Variants in CCSER1 observed in about 807,000 individuals in gnomAD.
CCSER1 encodes coiled-coil serine rich protein 1, also known as serine-rich coiled-coil domain-containing protein 1.
Under a neutral mutation model 82.0 loss-of-function variants are expected in CCSER1, and 41 were observed. That is an observed-to-expected ratio of 0.50 (90% CI 0.39 to 0.65). CCSER1 has a LOEUF of 0.65. Among genes scored for constraint, CCSER1 ranks in the 30% least tolerant of loss-of-function variants. CCSER1 has a pLI of 0.00. For missense variants in CCSER1, 1,119 were observed against 1,064.2 expected, an observed-to-expected ratio of 1.05 and a Z score of -0.72; for synonymous variants, 414 against 383.9, an observed-to-expected ratio of 1.08 and a Z score of -0.92.
intron 10 of CCSER1, among the ~76,000 whole-genome samples, chr4:91,190,868 A>C (rs1734935771): frequency 6.6e-6 from 1 of 152,158 alleles, no homozygotes; most frequent in Non-Finnish European, 1.5e-5. Flanking sequence ...GAATTAGGTA[A>C]AACTTGGTTT....
chr4:90,243,344 G>T (rs762232517), intron 1 of CCSER1, among the ~76,000 whole-genome samples: 1 of 151,900 alleles, frequency 6.6e-6, no homozygotes, highest in Non-Finnish European at 1.5e-5. Context: ...CGTCTCCCGG[G>T]TTCAAGCAAT....
At chr4:91,121,833 A>G (rs1209752651) in intron 10 of CCSER1, among the ~76,000 whole-genome samples, 1 of 151,656 alleles carries the variant, frequency 6.6e-6, no homozygotes, top group Non-Finnish European at 1.5e-5. Context: ...CACCTAAAAT[A>G]ATTTCTACTT....
At chr4:90,751,152 A>C (rs1033513241) in intron 7 of CCSER1, among the ~76,000 whole-genome samples, 6 of 152,142 alleles carry the variant, frequency 3.9e-5, no homozygotes, top group Non-Finnish European at 2.9e-5. Context: ...TATAAACTAC[A>C]CATATAAAAA....
intron 10 of CCSER1, among the ~76,000 whole-genome samples, chr4:91,458,643 A>G (rs1756332318): frequency 6.6e-6 from 1 of 152,204 alleles, no homozygotes; most frequent in Non-Finnish European, 1.5e-5. Context: ...TTAGCCCATG[A>G]ACATGGAATA....
intron 7 of CCSER1, among the ~76,000 whole-genome samples, chr4:90,803,205 A>T (rs1332222807): frequency 6.8e-6 from 1 of 147,452 alleles, no homozygotes; most frequent in African/African-American, 2.5e-5. Flanking sequence ...TGCATTTTTT[A>T]ATGTTTTTGT....
intron 3 of CCSER1, chr4:90,325,628 A>G (rs1384654671): frequency 2.2e-6 from 1 of 449,386 alleles, no homozygotes; most frequent in Non-Finnish European, 4.5e-6. Flanking sequence ...ATCTGAATAG[A>G]TGCTTCACAA....
chr4:90,228,496 GT>G (rs1321753468), intron 1 of CCSER1, among the ~76,000 whole-genome samples: 5 of 152,120 alleles, frequency 3.3e-5, no homozygotes, highest in African/African-American at 1.2e-4. Context: ...AAGACCAAAA[GT>G]AGATAAAACC....
At position 91,356,815 on chromosome 4, in the gene CCSER1, G is replaced by T. The variant is rs540741861; in HGVS notation, c.2218-241757G>T. Reference sequence around the variant, plus strand: ...AGTGTTGGGAGACGGAAGCTGGATGGCCCTCGGGGATGACCTGCAGGGACT... The same window carrying T: ...AGTGTTGGGAGACGGAAGCTGGATGTCCCTCGGGGATGACCTGCAGGGACT... On this transcript the variant is annotated intron_variant, in intron 10 of 10. Coordinates refer to ENST00000509176, the MANE Select transcript of CCSER1 (RefSeq NM_001145065.2). Among the ~76,000 whole-genome samples the T allele has an allele frequency of 1.4e-4, 22 of 152,248 alleles. 1 individual carries two copies. In the South Asian group the frequency reaches 4.6e-3, roughly 32 times the overall value.
rs540434348 is a variant in CCSER1, at chr4:90,447,905, T to A, written c.1604-20329T>A. Among the ~76,000 whole-genome samples, 5 of 152,320 alleles carry A rather than the reference T, an allele frequency of 3.3e-5. No homozygotes were observed. The South Asian group carries it at 8.3e-4, about 25-fold the overall frequency. On this transcript the variant is annotated intron_variant, in intron 4 of 10. Transcript: ENST00000509176. The stretch of plus-strand genomic sequence containing the variant: ...TGCATAATTTTTAAATAATTGCTTT[T>A]AAAATATTATAGAGTTAATTTTTCA...
chr4:90,135,380 A>G lies in CCSER1; in HGVS notation c.-42+7549A>G, dbSNP rs187043525. ...ACAACTGGGATCCTGCCTCTGAAACAACCTCATTTTTTAAAAAAAAGACTG... is the reference window on the plus strand; with the variant it reads ...ACAACTGGGATCCTGCCTCTGAAACGACCTCATTTTTTAAAAAAAAGACTG... On this transcript the variant is annotated intron_variant, in intron 1 of 10. Transcript: ENST00000509176. Among the ~76,000 whole-genome samples the G allele has an allele frequency of 7.8e-4, 119 of 152,202 alleles. 1 individual carries two copies. In the East Asian group the frequency reaches 0.021, roughly 27 times the overall value.
chr4:90,265,136 G>A (rs183814733), intron 1 of CCSER1, among the ~76,000 whole-genome samples: 1 of 151,794 alleles, frequency 6.6e-6, no homozygotes, highest in East Asian at 1.9e-4. Flanking sequence ...AAGAGTGTAT[G>A]AACTACTTGC....
At chr4:91,305,393 G>A (rs1415743243) in intron 10 of CCSER1, among the ~76,000 whole-genome samples, 1 of 151,954 alleles carries the variant, frequency 6.6e-6, no homozygotes, top group Non-Finnish European at 1.5e-5. Context: ...GCAATTGTAA[G>A]GTGCAGAAAT....
intron 10 of CCSER1, among the ~76,000 whole-genome samples, chr4:91,469,112 T>C (rs188207990): frequency 6.6e-6 from 1 of 152,206 alleles, no homozygotes; most frequent in Admixed American, 6.5e-5. Flanking sequence ...ATATACCAAA[T>C]CTACATTGGA....
intron 7 of CCSER1, among the ~76,000 whole-genome samples, chr4:90,770,696 T>A (rs1580388555): frequency 6.6e-6 from 1 of 152,122 alleles, no homozygotes; most frequent in East Asian, 1.9e-4. Context: ...ATGCCAAATC[T>A]CTTTCACTAG....
At chr4:91,558,871 C>A (rs988392698) in intron 10 of CCSER1, among the ~76,000 whole-genome samples, 2 of 151,520 alleles carry the variant, frequency 1.3e-5, no homozygotes, top group African/African-American at 2.4e-5. Flanking sequence ...CACAGCCAAA[C>A]CATATCACCA....
chr4:91,507,067 T>C lies in CCSER1; in HGVS notation c.2218-91505T>C, dbSNP rs542729547. The stretch of plus-strand genomic sequence containing the variant: ...AATATGAATTATTTTCACTTTTTAC[T>C]ATTATGAACGAAACTTTTAATTACA... On this transcript the variant is annotated intron_variant, in intron 10 of 10. Transcript: ENST00000509176. 1.9e-3 allele frequency among the ~76,000 whole-genome samples: 293 copies of C among 152,258 alleles called. 1 individual carries two copies. The Middle Eastern group carries it at 0.02, about 11-fold the overall frequency.
intron 10 of CCSER1, among the ~76,000 whole-genome samples, chr4:91,266,238 T>C (rs1205511856): frequency 2.0e-5 from 3 of 151,766 alleles, no homozygotes; most frequent in African/African-American, 7.3e-5. Flanking sequence ...TGGTTGTTTT[T>C]TTTGTTTGTT....
At chr4:90,756,152 C>T (rs1024231506) in intron 7 of CCSER1, among the ~76,000 whole-genome samples, 14 of 152,210 alleles carry the variant, frequency 9.2e-5, no homozygotes, top group African/African-American at 2.2e-4. Flanking sequence ...TGCTTGAATC[C>T]GGGAGACAGA....
chr4:91,539,974 A>G (rs1015191809), intron 10 of CCSER1, among the ~76,000 whole-genome samples: 1 of 152,118 alleles, frequency 6.6e-6, no homozygotes, highest in Non-Finnish European at 1.5e-5. Context: ...GGGATTGCTT[A>G]TCTTTAATCT....
Sources: allele counts gnomAD v4.1 joint callset (sites outside exome capture counted in the v4.1 genomes callset), GRCh38; gene constraint gnomAD v4.1.1; transcripts MANE v1.5; gene names NCBI Gene and HGNC (gene_info 2026-07-23, HGNC 2026-07-21).